SUGCT: variants seen among roughly 807,000 people sequenced by gnomAD.
SUGCT encodes the protein succinyl-CoA:glutarate CoA-transferase.
A neutral mutation model predicts 55.0 loss-of-function variants in SUGCT; 41 were observed. That is an observed-to-expected ratio of 0.74 (90% confidence interval 0.58 to 0.97). The LOEUF (loss-of-function observed/expected upper bound fraction) is 0.97. Ranked by LOEUF, SUGCT falls within the 50% of genes least tolerant of loss-of-function variation. SUGCT has a pLI of 0.00. For missense variants in SUGCT, 568 were observed against 547.8 expected (o/e 1.04, Z -0.37); for synonymous variants, 187 against 200.4 (o/e 0.93, Z 0.56).
chr7:40,745,430 T>A (rs1787686711), intron 12 of SUGCT, among the ~76,000 whole-genome samples: 1 of 152,164 alleles, frequency 6.6e-6, no homozygotes, highest in South Asian at 2.1e-4. Flanking sequence ...TCACTTAAAC[T>A]TTTATTTCCC....
intron 12 of SUGCT, among the ~76,000 whole-genome samples, chr7:40,660,003 C>A: frequency 6.6e-6 from 1 of 152,146 alleles, no homozygotes; most frequent in East Asian, 1.9e-4. Flanking sequence ...AAGACGTCTC[C>A]AACTTCCATT....
At chr7:40,427,447 G>A (rs1362491474) in intron 9 of SUGCT, among the ~76,000 whole-genome samples, 1 of 152,118 alleles carries the variant, frequency 6.6e-6, no homozygotes, top group Non-Finnish European at 1.5e-5. Context: ...TTAACATAGT[G>A]TGGACATTGT....
At chr7:41,030,955 C>T in the SUGCT span, among the ~76,000 whole-genome samples, 1 of 152,058 alleles carries the variant, frequency 6.6e-6, no homozygotes, top group East Asian at 1.9e-4. Flanking sequence ...CCAAGTGCCA[C>T]AGGATTGATT....
chr7:40,419,003 A>T (rs1787158265), intron 9 of SUGCT, among the ~76,000 whole-genome samples: 1 of 152,288 alleles, frequency 6.6e-6, no homozygotes, highest in East Asian at 1.9e-4. Flanking sequence ...AGTGCTGTAC[A>T]TGTATTTGGA....
At chr7:40,333,087 T>C (rs563743987) in intron 9 of SUGCT, among the ~76,000 whole-genome samples, 96 of 152,292 alleles carry the variant, frequency 6.3e-4, no homozygotes, top group Non-Finnish European at 1.2e-3. Flanking sequence ...CAAGTAAGTA[T>C]CCTGATTCCA....
intron 7 of SUGCT, among the ~76,000 whole-genome samples, chr7:40,266,179 C>T (rs1400455870): frequency 2.3e-5 from 2 of 86,312 alleles, no homozygotes; most frequent in Admixed American, 1.7e-4. Flanking sequence ...TCTTTTCTTT[C>T]CTTTCCTTTT....
At position 40,854,395 on chromosome 7, in the gene SUGCT, TTTTC is replaced by T. The variant is rs145101175; in HGVS notation, c.1154-5900_1154-5897del. The stretch of plus-strand genomic sequence containing the variant: ...AGGTCCTTATTGTGTATCAAAATTT[TTTTC>T]TTTCTTTCTTTCTTTCTTTCCTTTC... On this transcript the variant is annotated intron_variant, in intron 13 of 13. Transcript: ENST00000335693. 5.9e-3 allele frequency among the ~76,000 whole-genome samples: 730 copies of T among 124,268 alleles called. 14 individuals carry two copies. Among genetic ancestry groups the T allele is most frequent in the African/African-American group, 0.018 (629 of 34,588 alleles). The allele number at this position is 124,268 out of a possible 152,430, so 81.5% of individuals were successfully genotyped here.
At chr7:40,691,834 G>A (rs1292065682) in intron 12 of SUGCT, among the ~76,000 whole-genome samples, 1 of 152,076 alleles carries the variant, frequency 6.6e-6, no homozygotes. Context: ...TGGAGTTTGG[G>A]GAAGGAGGAA....
rs776733346 is a variant in SUGCT, at chr7:40,570,850, C to CTTTTTTTTTTTT, written c.1089+74480_1089+74491dup. ...CCCCTCTGGGCAAAAGCTTTAGGCT[C>CTTTTTTTTTTTT]TTTTTTTTTTTTTTTTTTTTTTTTT... is the stretch of plus-strand genomic sequence containing the variant. On this transcript the variant is annotated intron_variant, in intron 12 of 13. Coordinates refer to ENST00000335693, the MANE Select transcript of SUGCT (RefSeq NM_001193313.2). 4.2e-4 allele frequency among the ~76,000 whole-genome samples: 22 copies of CTTTTTTTTTTTT among 52,304 alleles called. 5 individuals are homozygous for CTTTTTTTTTTTT. The highest frequency in any genetic ancestry group is 1.7e-3 in the African/African-American group (20 of 11,528). 34.3% of individuals were successfully genotyped at this position (52,304 alleles called of 152,430 possible).
intron 12 of SUGCT, among the ~76,000 whole-genome samples, chr7:40,636,555 T>G (rs776713766): frequency 3.0e-4 from 45 of 152,154 alleles, no homozygotes; most frequent in Non-Finnish European, 4.9e-4. Context: ...AGCACTGTAG[T>G]CCTTATAAAG....
chr7:40,275,529 G>C (rs974024341), intron 8 of SUGCT, among the ~76,000 whole-genome samples: 1 of 152,062 alleles, frequency 6.6e-6, no homozygotes, highest in Non-Finnish European at 1.5e-5. Context: ...AGCATAAGTG[G>C]TATTTCATGG....
intron 9 of SUGCT, among the ~76,000 whole-genome samples, chr7:40,373,322 T>TGG (rs1179240586): frequency 6.6e-6 from 1 of 152,110 alleles, no homozygotes; most frequent in Non-Finnish European, 1.5e-5. Context: ...TTAGAATCTA[T>TGG]AGATTCTAGA....
the SUGCT span, among the ~76,000 whole-genome samples, chr7:40,958,112 C>T: frequency 6.6e-6 from 1 of 152,056 alleles, no homozygotes; most frequent in Non-Finnish European, 1.5e-5. Flanking sequence ...TTCATTTCAA[C>T]CTTGGTGAAT....
intron 6 of SUGCT, among the ~76,000 whole-genome samples, chr7:40,223,726 A>G (rs571337263): frequency 6.6e-6 from 1 of 152,304 alleles, no homozygotes; most frequent in African/African-American, 2.4e-5. Flanking sequence ...TTTATTTACT[A>G]TCTTATTTAC....
intron 13 of SUGCT, among the ~76,000 whole-genome samples, chr7:40,767,182 G>T (rs1156876374): frequency 6.6e-6 from 1 of 152,082 alleles, no homozygotes; most frequent in Non-Finnish European, 1.5e-5. Context: ...TGGCTTACAG[G>T]AATTGACCCC....
At chr7:40,805,521 T>C in intron 13 of SUGCT, among the ~76,000 whole-genome samples, 1 of 152,220 alleles carries the variant, frequency 6.6e-6, no homozygotes, top group East Asian at 1.9e-4. Context: ...CTAAAAGAGA[T>C]GAACTCACTG....
chr7:40,401,304 A>G (rs1318013425), intron 9 of SUGCT, among the ~76,000 whole-genome samples: 1 of 152,186 alleles, frequency 6.6e-6, no homozygotes, highest in African/African-American at 2.4e-5. Context: ...TACCTTGTGC[A>G]ATTACCTTAG....
intron 6 of SUGCT, among the ~76,000 whole-genome samples, chr7:40,216,278 G>T (rs1416500106): frequency 6.6e-6 from 1 of 152,122 alleles, no homozygotes; most frequent in East Asian, 1.9e-4. Context: ...GAGGCAGGCG[G>T]ATCACCTGAG....
Position 40,187,806 on chromosome 7 carries a change from G to A in SUGCT, c.227-689G>A, listed in dbSNP as rs1343808072. On this transcript the variant is annotated intron_variant, in intron 3 of 13. Transcript: ENST00000335693. ...AAATTAGTCGGGCATGGTGGTGCAC[G>A]CCTGTAATCTCAGTTACTATGGAGG... Among the ~76,000 whole-genome samples, 8 of 152,006 alleles carry A rather than the reference G, an allele frequency of 5.3e-5. No homozygotes were observed. The East Asian group carries it at 1.4e-3, about 26-fold the overall frequency.
Sources: gnomAD v4.1 joint callset for allele counts (sites outside exome capture counted in the v4.1 genomes callset) on GRCh38, gnomAD v4.1.1 for gene constraint, MANE v1.5 for transcripts, NCBI Gene and HGNC (gene_info 2026-07-23, HGNC 2026-07-21) for gene names.